Variants in IGSF11 observed in about 807,000 individuals in gnomAD.
IGSF11 encodes the protein CXADR like 1.
IGSF11 carries 22 observed loss-of-function variants against 41.0 expected under a neutral mutation model. That is an observed-to-expected ratio of 0.54 (90% CI 0.38 to 0.77). IGSF11 has a LOEUF of 0.77. Among genes scored for constraint, IGSF11 ranks in the 30% least tolerant of loss-of-function variants. IGSF11 has a pLI of 0.00. For synonymous variants in IGSF11, 219 were observed against 201.3 expected (o/e 1.09, Z -0.74); for missense variants, 444 against 530.8 (o/e 0.84, Z 1.61).
chr3:119,089,198 A>T (rs2076724770), intron 1 of IGSF11, among the ~76,000 whole-genome samples: 1 of 152,174 alleles, frequency 6.6e-6, no homozygotes, highest in Admixed American at 6.5e-5. Flanking sequence ...TTAGCATACT[A>T]AATCCTACAG....
intron 1 of IGSF11, among the ~76,000 whole-genome samples, chr3:119,132,639 C>T (rs562784093): frequency 6.6e-6 from 1 of 152,218 alleles, no homozygotes; most frequent in South Asian, 2.1e-4. Context: ...TTTAACATCC[C>T]ACTGTCAATA....
intron 1 of IGSF11, among the ~76,000 whole-genome samples, chr3:119,017,776 C>CTTTTTTT (rs567222914): frequency 1.0e-5 from 1 of 100,264 alleles, no homozygotes; most frequent in Non-Finnish European, 2.0e-5. Flanking sequence ...GTTTGTTTTA[C>CTTTTTTT]TTTTTTTTTT....
intron 1 of IGSF11, among the ~76,000 whole-genome samples, chr3:119,008,451 A>T (rs1369580): frequency 0.4 from 60,515 of 152,086 alleles, 14,760 homozygotes; most frequent in African/African-American, 0.69. Context: ...AAATCTGGAT[A>T]TTAAAAGATC....
At chr3:118,987,486 A>G (rs72968651) in intron 1 of IGSF11, among the ~76,000 whole-genome samples, 51 of 152,302 alleles carry the variant, frequency 3.3e-4, no homozygotes, top group African/African-American at 1.2e-3. Flanking sequence ...AGTCCTGCCT[A>G]GTAGTGTGGA....
chr3:118,917,335 GATC>G (rs1559892000), intron 4 of IGSF11, among the ~76,000 whole-genome samples: 1 of 150,116 alleles, frequency 6.7e-6, no homozygotes, highest in Admixed American at 6.6e-5. Flanking sequence ...TTTCTGAAAG[GATC>G]AACAAAATTG....
At chr3:119,092,636 A>C (rs2076782991) in intron 1 of IGSF11, among the ~76,000 whole-genome samples, 2 of 152,104 alleles carry the variant, frequency 1.3e-5, no homozygotes, top group Non-Finnish European at 2.9e-5. Flanking sequence ...AGCCGTGTAC[A>C]GTGTTTCTAA....
intron 1 of IGSF11, among the ~76,000 whole-genome samples, chr3:119,023,876 T>C (rs1369447752): frequency 6.6e-6 from 1 of 152,206 alleles, no homozygotes; most frequent in African/African-American, 2.4e-5. Flanking sequence ...CATCATCAGT[T>C]TATAGAATAT....
At chr3:119,005,768 C>A (rs1384840925) in intron 1 of IGSF11, among the ~76,000 whole-genome samples, 1 of 110,202 alleles carries the variant, frequency 9.1e-6, no homozygotes, top group Non-Finnish European at 1.7e-5. Flanking sequence ...AAATTCTTTT[C>A]TTTAAGAATG....
chr3:119,035,448 T>A (rs907090170), upstream of IGSF11, among the ~76,000 whole-genome samples: 25 of 152,232 alleles, frequency 1.6e-4, no homozygotes, highest in Admixed American at 1.6e-3. Context: ...TCCCCATTCC[T>A]ATCAGAGAGA....
intron 1 of IGSF11, among the ~76,000 whole-genome samples, chr3:119,033,732 A>G (rs1203992508): frequency 5.3e-5 from 8 of 152,232 alleles, no homozygotes; most frequent in African/African-American, 1.4e-4. Flanking sequence ...AATAAATGGG[A>G]CAGAAAACTG....
intron 6 of IGSF11, among the ~76,000 whole-genome samples, chr3:118,903,575 C>T (rs1407955799): frequency 6.6e-6 from 1 of 152,096 alleles, no homozygotes; most frequent in Non-Finnish European, 1.5e-5. Context: ...AGAGGTTTTC[C>T]TCAGTAATCT....
At chr3:119,041,756 A>C (rs1243984576) in intron 1 of IGSF11, among the ~76,000 whole-genome samples, 1 of 152,208 alleles carries the variant, frequency 6.6e-6, no homozygotes, top group African/African-American at 2.4e-5. Context: ...AAATAAGCAG[A>C]AAACGTGGAT....
rs570476397 is a variant in IGSF11 at position 119,065,747 on chromosome 3, C to T, written c.49+39397G>A. ...GGTGGATGTTGCAGTGAGCCAACAT[C>T]GCACCACTGCACTCCAGCCTGGGTG... On this transcript the variant is annotated intron_variant, in intron 1 of 6. Transcript: ENST00000354673. Among the ~76,000 whole-genome samples the T allele has an allele frequency of 8.3e-5, 12 of 145,304 alleles. No homozygotes were observed. The South Asian group carries it at 1.7e-3, about 21-fold the overall frequency.
At chr3:118,927,485 T>G (rs1942430850) in intron 3 of IGSF11, among the ~76,000 whole-genome samples, 1 of 152,164 alleles carries the variant, frequency 6.6e-6, no homozygotes, top group Non-Finnish European at 1.5e-5. Context: ...ATGAATATGG[T>G]TTTGAGAATA....
chr3:118,903,927 A>G (rs1168658470), intron 6 of IGSF11, among the ~76,000 whole-genome samples: 4 of 152,190 alleles, frequency 2.6e-5, no homozygotes, highest in African/African-American at 7.2e-5. Flanking sequence ...CCAGGAAGAG[A>G]GCAGAGGCTT....
chr3:119,016,638 T>C (rs1938718482), intron 1 of IGSF11, among the ~76,000 whole-genome samples: 1 of 152,160 alleles, frequency 6.6e-6, no homozygotes, highest in African/African-American at 2.4e-5. Flanking sequence ...AGACATATCA[T>C]TAGGGGCAGT....
At chr3:119,050,610 T>C (rs1034789756) in intron 1 of IGSF11, among the ~76,000 whole-genome samples, 6 of 151,956 alleles carry the variant, frequency 3.9e-5, no homozygotes, top group African/African-American at 7.3e-5. Flanking sequence ...GATCTAGAAC[T>C]AGAAATACCA....
intron 1 of IGSF11, among the ~76,000 whole-genome samples, chr3:118,969,205 T>A (rs989064132): frequency 8.6e-5 from 13 of 151,020 alleles, no homozygotes; most frequent in South Asian, 4.2e-4. Context: ...TAAAAAAAAA[T>A]AATAATAATC....
chr3:118,959,937 C>T (rs941570148), intron 1 of IGSF11, among the ~76,000 whole-genome samples: 10 of 151,480 alleles, frequency 6.6e-5, no homozygotes, highest in Non-Finnish European at 1.0e-4. Flanking sequence ...CCCAGCTACT[C>T]GGGAGGCTGA....
Sources: gnomAD v4.1 joint callset for allele counts (sites outside exome capture counted in the v4.1 genomes callset) on GRCh38, gnomAD v4.1.1 for gene constraint, MANE v1.5 for transcripts, NCBI Gene and HGNC (gene_info 2026-07-23, HGNC 2026-07-21) for gene names.